The following ANO3 variants were observed in gnomAD, a reference collection of about 807,000 sequenced individuals.
ANO3 encodes anoctamin-3.
In ANO3, 99 loss-of-function variants were observed where a neutral mutation model predicts 144.8. The ratio of observed to expected loss-of-function variants is 0.68; its 90% confidence interval spans 0.58 to 0.81. The LOEUF is 0.81. Among genes scored for constraint, ANO3 ranks in the 30% least tolerant of loss-of-function variants. The probability of loss-of-function intolerance (pLI) is 0.00; values close to 1 mark genes in which losing one functional copy is unlikely to be tolerated. For missense variants in ANO3, 905 were observed against 1,202.2 expected, an observed-to-expected ratio of 0.75 and a Z score of 3.66; for synonymous variants, 414 against 392.6, an observed-to-expected ratio of 1.05 and a Z score of -0.64.
chr11:26,542,169 T>C, intron 11 of ANO3, 101 bp downstream of exon 11: 1 of 1,309,484 alleles, frequency 7.6e-7, no homozygotes, highest in Non-Finnish European at 1.0e-6. Context: ...GGATGCAGTC[T>C]ACAAAAAAGC....
At chr11:26,420,592 G>C (rs1476263239) in intron 1 of ANO3, among the ~76,000 whole-genome samples, 2 of 152,042 alleles carry the variant, frequency 1.3e-5, no homozygotes, top group Non-Finnish European at 2.9e-5. Flanking sequence ...TCTATTGTTT[G>C]GCAGTGGCTG....
chr11:26,338,474 C>A (rs369353181), intron 1 of ANO3, among the ~76,000 whole-genome samples: 50 of 151,380 alleles, frequency 3.3e-4, no homozygotes, highest in African/African-American at 1.2e-3. Flanking sequence ...GACCAATCAG[C>A]AGAATGTGGG....
chr11:26,325,843 G>A, intron 1 of ANO3, among the ~76,000 whole-genome samples: 1 of 152,164 alleles, frequency 6.6e-6, no homozygotes, highest in East Asian at 1.9e-4. Context: ...TTCCAGCAAA[G>A]CTTAGAATAT....
intron 17 of ANO3, among the ~76,000 whole-genome samples, chr11:26,607,165 T>G (rs1851960966): frequency 6.6e-6 from 1 of 152,218 alleles, no homozygotes; most frequent in African/African-American, 2.4e-5. Flanking sequence ...CATAGTCTGA[T>G]GGACTTCCCT....
rs1208099036 is a variant in ANO3, at chr11:26,625,550, G to A, written c.1873+1052G>A. On this transcript the variant is annotated intron_variant, in intron 18 of 26. Transcript: ENST00000256737. Reference sequence around the variant, plus strand: ...ACGGCATGGTATATTCTATAATTGTGTATACTTTTTATACCACTTCTGTAT... The same window carrying A: ...ACGGCATGGTATATTCTATAATTGTATATACTTTTTATACCACTTCTGTAT... Among the ~76,000 whole-genome samples, 11 of 152,168 alleles carry A rather than the reference G, an allele frequency of 7.2e-5. No individual in the cohort carries two copies. In the East Asian group the frequency reaches 2.1e-3, roughly 29 times the overall value.
chr11:26,334,863 G>A (rs1855152109), intron 1 of ANO3, among the ~76,000 whole-genome samples: 1 of 152,124 alleles, frequency 6.6e-6, no homozygotes, highest in Non-Finnish European at 1.5e-5. Flanking sequence ...GAAATAGCCT[G>A]ATATAACTAG....
chr11:26,250,506 T>C (rs971109812), intron 1 of ANO3, among the ~76,000 whole-genome samples: 41 of 152,210 alleles, frequency 2.7e-4, no homozygotes, highest in African/African-American at 9.4e-4. Flanking sequence ...CTGAGGCTTA[T>C]GTATGCTGTC....
intron 2 of ANO3, among the ~76,000 whole-genome samples, chr11:26,443,444 A>C (rs1858595088): frequency 6.6e-6 from 1 of 151,882 alleles, no homozygotes; most frequent in African/African-American, 2.4e-5. Flanking sequence ...TCTACTAAAA[A>C]TACAAAAGTT....
chr11:26,528,024 A>G (rs1030833728), intron 7 of ANO3, among the ~76,000 whole-genome samples: 2 of 152,156 alleles, frequency 1.3e-5, no homozygotes, highest in African/African-American at 2.4e-5. Flanking sequence ...CCTGGATTGT[A>G]GCAAATAAAC....
intron 1 of ANO3, among the ~76,000 whole-genome samples, chr11:26,263,392 A>C (rs531647614): frequency 3.9e-5 from 6 of 152,170 alleles, no homozygotes; most frequent in Non-Finnish European, 7.4e-5. Context: ...TCCGTACCTG[A>C]CAAGACTGTC....
intron 6 of ANO3, among the ~76,000 whole-genome samples, chr11:26,521,234 A>G (rs1862060892): frequency 6.6e-6 from 1 of 152,206 alleles, no homozygotes. Context: ...ATTAAATTAT[A>G]TAAAATAATA....
chr11:26,464,684 G>A (rs1394220497), intron 4 of ANO3, among the ~76,000 whole-genome samples: 1 of 151,662 alleles, frequency 6.6e-6, no homozygotes, highest in East Asian at 1.9e-4. Flanking sequence ...ATAAGAGAAT[G>A]GTGTATGACT....
intron 4 of ANO3, among the ~76,000 whole-genome samples, chr11:26,495,282 T>C (rs1860887937): frequency 6.7e-6 from 1 of 149,678 alleles, no homozygotes; most frequent in Admixed American, 6.6e-5. Context: ...TTTTTTTTTT[T>C]TTTTTTCTGT....
intron 21 of ANO3, among the ~76,000 whole-genome samples, chr11:26,639,857 A>G (rs1853089610): frequency 6.6e-6 from 1 of 152,178 alleles, no homozygotes; most frequent in Admixed American, 6.5e-5. Flanking sequence ...CCTTTAAAAT[A>G]TGGCAAAATA....
At chr11:26,345,374 G>A (rs1401743359) in intron 1 of ANO3, among the ~76,000 whole-genome samples, 3 of 152,108 alleles carry the variant, frequency 2.0e-5, no homozygotes, top group Non-Finnish European at 4.4e-5. Flanking sequence ...GGCCAACATG[G>A]TGAAACACCA....
At chr11:26,480,701 G>C (rs1370181587) in intron 4 of ANO3, among the ~76,000 whole-genome samples, 2 of 151,974 alleles carry the variant, frequency 1.3e-5, no homozygotes, top group Non-Finnish European at 2.9e-5. Flanking sequence ...CCAGCTACTT[G>C]GGAGGCTGAG....
At chr11:26,561,367 T>C in intron 14 of ANO3, 1 of 648,280 alleles carries the variant, frequency 1.5e-6, no homozygotes, top group Non-Finnish European at 2.4e-6. Flanking sequence ...AGTTTTAAAA[T>C]TTTAAATAAG....
At chr11:26,382,326 G>A (rs539323572) in intron 1 of ANO3, among the ~76,000 whole-genome samples, 2 of 152,092 alleles carry the variant, frequency 1.3e-5, no homozygotes, top group Non-Finnish European at 2.9e-5. Context: ...AGCAATGCTA[G>A]CTTCAGAATT....
intron 10 of ANO3, 80 bp downstream of exon 10, chr11:26,537,541 T>A: frequency 8.4e-7 from 1 of 1,193,446 alleles, no homozygotes; most frequent in Non-Finnish European, 1.3e-6. Context: ...CATTTGAATC[T>A]AGCTGTCCAC....
Sources: gnomAD v4.1 joint callset for allele counts (sites outside exome capture counted in the v4.1 genomes callset) on GRCh38, gnomAD v4.1.1 for gene constraint, MANE v1.5 for transcripts, NCBI Gene and HGNC (gene_info 2026-07-23, HGNC 2026-07-21) for gene names.